Variants in NREP observed in about 807,000 individuals in gnomAD.
NREP encodes neuronal regeneration related protein, also known as neuronal regeneration-related protein.
NREP carries 5 observed loss-of-function variants against 8.6 expected under a neutral mutation model. The observed-to-expected ratio is 0.58, with a 90% CI of 0.30 to 1.22. The LOEUF (loss-of-function observed/expected upper bound fraction) is 1.22. Ranked by LOEUF, NREP falls within the 50% of genes most tolerant of loss-of-function variation. The pLI is 0.07. For synonymous variants in NREP, 27 were observed against 28.0 expected (o/e 0.96, Z 0.11); for missense variants, 86 against 82.5 (o/e 1.04, Z -0.17).
intron 2 of NREP, among the ~76,000 whole-genome samples, chr5:111,945,055 A>G (rs1009963883): frequency 6.6e-6 from 1 of 152,058 alleles, no homozygotes; most frequent in Non-Finnish European, 1.5e-5. Flanking sequence ...ACAGATTAAC[A>G]TTCTAAGGTA....
intron 2 of NREP, among the ~76,000 whole-genome samples, chr5:111,930,359 A>G (rs1755503161): frequency 6.6e-6 from 1 of 152,278 alleles, no homozygotes; most frequent in Admixed American, 6.5e-5. Context: ...ACCCTCAAAG[A>G]TATAATGGTT....
chr5:111,867,587 A>T (rs556072310), intron 2 of NREP, among the ~76,000 whole-genome samples: 8 of 152,270 alleles, frequency 5.3e-5, no homozygotes, highest in Non-Finnish European at 1.0e-4. Context: ...TGGGGAGCAC[A>T]ATTCAGTTCA....
At chr5:111,876,163 C>T (rs6421835) in intron 2 of NREP, among the ~76,000 whole-genome samples, 152,270 of 152,328 alleles carry the variant, frequency 1, 76,106 homozygotes, top group Middle Eastern at 1. Flanking sequence ...GCCCTTTTTA[C>T]TGGCACAGCT....
intron 2 of NREP, among the ~76,000 whole-genome samples, chr5:111,788,386 T>A (rs565364315): frequency 6.6e-6 from 1 of 152,338 alleles, no homozygotes; most frequent in African/African-American, 2.4e-5. Context: ...GTGTTTGTAT[T>A]TGTGTGCATA....
chr5:111,819,763 A>G (rs1341739846), intron 2 of NREP, among the ~76,000 whole-genome samples: 2 of 152,202 alleles, frequency 1.3e-5, no homozygotes, highest in African/African-American at 2.4e-5. Context: ...CAATAGCATT[A>G]TATCTCAAGC....
intron 2 of NREP, among the ~76,000 whole-genome samples, chr5:111,951,363 AT>A (rs143833205): frequency 2.6e-5 from 4 of 151,698 alleles, no homozygotes; most frequent in Non-Finnish European, 4.4e-5. Context: ...ATGATTTAGT[AT>A]TTTTTTTACA....
At chr5:111,757,634 C>A (rs1303507883), upstream of NREP, 1 of 983,202 alleles carries the variant, frequency 1.0e-6, no homozygotes, top group Non-Finnish European at 1.2e-6. Context: ...CACCCCGCAC[C>A]CGCGCCCCGG....
At chr5:111,731,092 C>G (rs373413789) in intron 3 of NREP, 46 bp from the exon 4 acceptor site, 14 of 1,593,654 alleles carry the variant, frequency 8.8e-6, no homozygotes, top group Non-Finnish European at 1.2e-5. Flanking sequence ...ACATAAAAGA[C>G]AAAATTAGTC....
chr5:111,900,632 A>G (rs929047217), intron 2 of NREP, among the ~76,000 whole-genome samples: 28 of 152,128 alleles, frequency 1.8e-4, no homozygotes, highest in African/African-American at 6.8e-4. Context: ...ATCATGAACA[A>G]CTATACACTA....
At chr5:111,732,778 A>AACTT (rs1178058968) in intron 3 of NREP, 7 of 152,328 alleles carry the variant, frequency 4.6e-5, no homozygotes, top group South Asian at 2.1e-4. Flanking sequence ...GGATAGGACA[A>AACTT]ACTTAGGTTT....
chr5:111,881,304 A>T (rs1474689448), intron 2 of NREP, among the ~76,000 whole-genome samples: 1 of 152,200 alleles, frequency 6.6e-6, no homozygotes, highest in Non-Finnish European at 1.5e-5. Context: ...AGGCTTGCTT[A>T]GGTAAACAAA....
chr5:111,733,121 G>C (rs183069064), intron 3 of NREP: 3 of 152,254 alleles, frequency 2.0e-5, no homozygotes, highest in Admixed American at 2.0e-4. Flanking sequence ...CATTTTTTCT[G>C]TTTCAAGGTC....
At chr5:111,918,172 G>A (rs1369003927) in intron 2 of NREP, among the ~76,000 whole-genome samples, 1 of 152,072 alleles carries the variant, frequency 6.6e-6, no homozygotes, top group Non-Finnish European at 1.5e-5. Context: ...ACCTCTTCAA[G>A]GAGAACTACA....
chr5:111,826,371 AGTTTTG>A (rs779337865), intron 2 of NREP, among the ~76,000 whole-genome samples: 1 of 152,140 alleles, frequency 6.6e-6, no homozygotes, highest in Non-Finnish European at 1.5e-5. Flanking sequence ...GCACTGTGGA[AGTTTTG>A]TTGTTTTGCT....
chr5:111,889,393 T>A (rs1298420882), intron 2 of NREP, among the ~76,000 whole-genome samples: 1 of 152,192 alleles, frequency 6.6e-6, no homozygotes, highest in Non-Finnish European at 1.5e-5. Flanking sequence ...TATACCCCCA[T>A]GATCCTATCA....
chr5:111,965,891 T>A (rs1561372987), intron 2 of NREP, among the ~76,000 whole-genome samples: 1 of 150,266 alleles, frequency 6.7e-6, no homozygotes, highest in Non-Finnish European at 1.5e-5. Context: ...AGTTATTCTT[T>A]AAAAAAAAAA....
At chr5:111,770,455 G>A (rs927492550) in intron 2 of NREP, among the ~76,000 whole-genome samples, 26 of 150,520 alleles carry the variant, frequency 1.7e-4, no homozygotes, top group Admixed American at 1.7e-3. Context: ...ACCATACCTA[G>A]CTCAAGCTTG....
intron 3 of NREP, chr5:111,734,801 A>G (rs1044716405): frequency 2.9e-6 from 2 of 684,730 alleles, no homozygotes; most frequent in Admixed American, 4.1e-5. Context: ...AAGTCAAACA[A>G]GTATTCACCC....
chr5:111,792,395 G>C (rs1017595021), intron 2 of NREP, among the ~76,000 whole-genome samples: 1 of 152,208 alleles, frequency 6.6e-6, no homozygotes, highest in South Asian at 2.1e-4. Flanking sequence ...TTAATAAAAT[G>C]ATTGGAAGAG....
Sources: allele counts gnomAD v4.1 joint callset (sites outside exome capture counted in the v4.1 genomes callset), GRCh38; gene constraint gnomAD v4.1.1; transcripts MANE v1.5; gene names NCBI Gene and HGNC (gene_info 2026-07-23, HGNC 2026-07-21).